The following TENM4 variants were observed in gnomAD, a reference collection of about 807,000 sequenced individuals.
TENM4 encodes teneurin transmembrane protein 4.
Under a neutral mutation model 243.3 loss-of-function variants are expected in TENM4, and 82 were observed. The observed-to-expected ratio is 0.34, with a 90% CI of 0.28 to 0.40. TENM4 has a LOEUF of 0.40. Among genes scored for constraint, TENM4 ranks in the 10% least tolerant of loss-of-function variants. The pLI is 1.00. For missense variants in TENM4, 3,138 were observed against 3,673.3 expected (o/e 0.85, Z 3.77); for synonymous variants, 1,412 against 1,456.3 (o/e 0.97, Z 0.69).
At position 78,787,024 on chromosome 11, in the gene TENM4, C is replaced by T. The variant is rs768259798; in HGVS notation, c.2239G>A (p.Glu747Lys). Residue 747 changes from glutamate (E) to lysine (K), a missense_variant, in exon 16 of 34, where the codon GAG becomes AAG. This residue lies in a region of TENM4 where 2,467 missense variants were observed against 3,059.1 expected (regional missense o/e 0.81). Transcript: ENST00000278550. ...GVCVGGTCRC[E>K]DGWMGAACDQ... is the part of the protein sequence containing the mutation. ...CAGGCTGCCCCCATCCAGCCATCCT[C>T]GCAGCGGCAGGTGCCCCCTACGCAC... is the stretch of plus-strand genomic sequence containing the variant. 1.3e-5 allele frequency: 21 copies of T among 1,560,478 alleles called. No homozygotes were observed. Among genetic ancestry groups the T allele is most frequent in the Admixed American group, 7.6e-5 (4 of 52,468 alleles).
intron 12 of TENM4, among the ~76,000 whole-genome samples, chr11:78,847,821 T>C (rs1342007868): frequency 6.6e-6 from 1 of 152,206 alleles, no homozygotes; most frequent in African/African-American, 2.4e-5. Flanking sequence ...CTCAATCATT[T>C]TTCTTAGTGT....
intron 19 of TENM4, among the ~76,000 whole-genome samples, chr11:78,748,945 G>T (rs1401738517): frequency 6.6e-6 from 1 of 152,102 alleles, no homozygotes; most frequent in Non-Finnish European, 1.5e-5. Context: ...ACCAGCCCAA[G>T]GTCCCATGTT....
chr11:79,049,288 G>C (rs540962074), intron 6 of TENM4, among the ~76,000 whole-genome samples: 138 of 152,324 alleles, frequency 9.1e-4, no homozygotes, highest in Non-Finnish European at 1.3e-3. Flanking sequence ...TACTCAGGAC[G>C]CATCATTTCA....
At chr11:79,209,809 G>A (rs1863923767) in intron 3 of TENM4, among the ~76,000 whole-genome samples, 1 of 152,182 alleles carries the variant, frequency 6.6e-6, no homozygotes, top group African/African-American at 2.4e-5. Context: ...GGGAAAGTAT[G>A]GTATTTCCAA....
intron 6 of TENM4, among the ~76,000 whole-genome samples, chr11:78,926,050 G>A (rs917134271): frequency 2.6e-5 from 4 of 151,980 alleles, no homozygotes; most frequent in Admixed American, 2.6e-4. Context: ...TTATGATAGA[G>A]TTCTATCGGG....
At chr11:79,017,629 T>C (rs1391966523) in intron 6 of TENM4, among the ~76,000 whole-genome samples, 1 of 152,146 alleles carries the variant, frequency 6.6e-6, no homozygotes, top group Admixed American at 6.5e-5. Flanking sequence ...CATAGCACTT[T>C]ATGTTGTTTA....
intron 6 of TENM4, among the ~76,000 whole-genome samples, chr11:78,970,315 C>T (rs1429301451): frequency 6.6e-6 from 1 of 152,108 alleles, no homozygotes; most frequent in African/African-American, 2.4e-5. Flanking sequence ...GCTGGTTTCC[C>T]TAGTTATTTG....
intron 15 of TENM4, among the ~76,000 whole-genome samples, chr11:78,802,306 A>G (rs1857297124): frequency 6.6e-6 from 1 of 152,238 alleles, no homozygotes; most frequent in Non-Finnish European, 1.5e-5. Flanking sequence ...TTTAATGATT[A>G]CATAACCCGC....
intron 15 of TENM4, among the ~76,000 whole-genome samples, chr11:78,796,773 C>G (rs975685087): frequency 6.6e-6 from 1 of 152,206 alleles, no homozygotes. Flanking sequence ...AGCTACTCAT[C>G]TTTCCTAGAA....
chr11:78,666,313 A>G (rs1366471338), intron 32 of TENM4, among the ~76,000 whole-genome samples: 3 of 152,224 alleles, frequency 2.0e-5, no homozygotes, highest in Non-Finnish European at 2.9e-5. Flanking sequence ...GGAACAGACT[A>G]CATTAGAAAA....
intron 26 of TENM4, among the ~76,000 whole-genome samples, chr11:78,711,585 G>T (rs667194): frequency 0.042 from 6,440 of 152,152 alleles, 290 homozygotes; most frequent in African/African-American, 0.12. Flanking sequence ...TATTAATTTT[G>T]ACCATCAGAA....
intron 20 of TENM4, among the ~76,000 whole-genome samples, chr11:78,736,696 T>C (rs1320166779): frequency 1.3e-5 from 2 of 152,162 alleles, no homozygotes; most frequent in African/African-American, 4.8e-5. Flanking sequence ...GTGATACCTG[T>C]TCACATGTAA....
intron 7 of TENM4, among the ~76,000 whole-genome samples, chr11:78,898,091 C>T (rs1005331857): frequency 6.6e-6 from 1 of 152,196 alleles, no homozygotes; most frequent in Non-Finnish European, 1.5e-5. Context: ...GGACCCTAAA[C>T]ATATGGCTCC....
intron 18 of TENM4, among the ~76,000 whole-genome samples, chr11:78,769,104 G>A (rs1856598409): frequency 6.6e-6 from 1 of 152,232 alleles, no homozygotes; most frequent in African/African-American, 2.4e-5. Context: ...TGACTTGTGA[G>A]AAGGGAATGG....
intron 3 of TENM4, among the ~76,000 whole-genome samples, chr11:79,190,477 C>G (rs1477421950): frequency 6.6e-6 from 1 of 152,124 alleles, no homozygotes; most frequent in Non-Finnish European, 1.5e-5. Flanking sequence ...CCTTCAAGAC[C>G]TGGCACAGGA....
chr11:78,696,111 T>C (rs542570261), intron 28 of TENM4, among the ~76,000 whole-genome samples: 1 of 152,176 alleles, frequency 6.6e-6, no homozygotes, highest in African/African-American at 2.4e-5. Flanking sequence ...TTAGTTTGGG[T>C]AATTTCTATT....
chr11:79,359,513 T>G (rs765716326), intron 1 of TENM4, among the ~76,000 whole-genome samples: 2 of 152,134 alleles, frequency 1.3e-5, no homozygotes, highest in Non-Finnish European at 2.9e-5. Context: ...AGCTGGGTGG[T>G]GAATACATGA....
At position 78,899,731 on chromosome 11, in the gene TENM4, T is replaced by C. The variant is rs111472811; in HGVS notation, c.749+3537A>G. ...ATTAGTTCCTTCCAGAGCTGGTTGT[T>C]AAAAAGAGCCTGGCACCTCCCCACC... On this transcript the variant is annotated intron_variant, in intron 7 of 33. Coordinates refer to ENST00000278550, the MANE Select transcript of TENM4 (RefSeq NM_001098816.3). Among the ~76,000 whole-genome samples, 228 of 152,202 alleles carry C rather than the reference T, an allele frequency of 1.5e-3. 2 individuals carry two copies. The highest frequency in any genetic ancestry group is 6.8e-3 in the Middle Eastern group (2 of 294).
Position 78,689,934 on chromosome 11 carries a change from C to T in TENM4, c.5088-1708G>A, listed in dbSNP as rs7104102. Among the ~76,000 whole-genome samples the T allele has an allele frequency of 6.9e-3, 1,046 of 152,316 alleles. 16 individuals are homozygous for T. The highest frequency in any genetic ancestry group is 0.024 in the African/African-American group (1,009 of 41,578). ...CCTTTGGGGAAGTTGGATGCCTCTG[C>T]GGCTGGGGCCTTTTCAGGATGGCAG... On this transcript the variant is annotated intron_variant, in intron 28 of 33. Coordinates refer to ENST00000278550, the MANE Select transcript of TENM4 (RefSeq NM_001098816.3).
Sources: allele counts gnomAD v4.1 joint callset (sites outside exome capture counted in the v4.1 genomes callset), GRCh38; gene constraint gnomAD v4.1.1; regional missense constraint gnomAD v4.1.1; transcripts MANE v1.5; gene names NCBI Gene and HGNC (gene_info 2026-07-23, HGNC 2026-07-21).